Variants in AGBL4 observed in about 807,000 individuals in gnomAD.
AGBL4 encodes cytosolic carboxypeptidase 6.
Under a neutral mutation model 66.4 loss-of-function variants are expected in AGBL4, and 58 were observed. The ratio of observed to expected loss-of-function variants is 0.87; its 90% CI spans 0.71 to 1.09. AGBL4 has a LOEUF of 1.09. Among genes scored for constraint, AGBL4 ranks in the 50% least tolerant of loss-of-function variants. AGBL4 has a pLI of 0.00. For synonymous variants in AGBL4, 234 were observed against 222.9 expected (o/e 1.05, Z -0.44); for missense variants, 579 against 631.0 (o/e 0.92, Z 0.88).
intron 3 of AGBL4, among the ~76,000 whole-genome samples, chr1:49,544,197 T>G (rs1184741871): frequency 6.6e-6 from 1 of 152,174 alleles, no homozygotes; most frequent in Non-Finnish European, 1.5e-5. Context: ...ATAATTCTCT[T>G]GTTAAATCCT....
chr1:49,259,402 C>T (rs1254194334), intron 3 of AGBL4, among the ~76,000 whole-genome samples: 3 of 152,098 alleles, frequency 2.0e-5, no homozygotes, highest in Non-Finnish European at 2.9e-5. Context: ...GTGCTGTATT[C>T]GGGAAACCCA....
At chr1:49,841,959 G>A (rs144214635) in intron 2 of AGBL4, 373 of 550,564 alleles carry the variant, frequency 6.8e-4, no homozygotes, top group Non-Finnish European at 9.9e-4. Flanking sequence ...CCTCCACCTC[G>A]TACCTGGCCT....
chr1:49,672,182 C>T (rs1322543129), intron 3 of AGBL4, among the ~76,000 whole-genome samples: 4 of 152,102 alleles, frequency 2.6e-5, no homozygotes, highest in Non-Finnish European at 5.9e-5. Context: ...ATGTCTTCTG[C>T]AAGAACATGG....
intron 6 of AGBL4, among the ~76,000 whole-genome samples, chr1:48,778,254 G>C (rs1645189642): frequency 6.6e-6 from 1 of 152,104 alleles, no homozygotes; most frequent in Admixed American, 6.5e-5. Context: ...CCACCTGCCA[G>C]ATTCTGGGCC....
At chr1:48,548,610 T>C (rs1434107137) in intron 11 of AGBL4, among the ~76,000 whole-genome samples, 1 of 152,106 alleles carries the variant, frequency 6.6e-6, no homozygotes, top group African/African-American at 2.4e-5. Flanking sequence ...CCTGTCCTGC[T>C]CCTCCCCTTG....
At chr1:48,550,990 A>G (rs1365660805) in intron 11 of AGBL4, among the ~76,000 whole-genome samples, 2 of 152,130 alleles carry the variant, frequency 1.3e-5, no homozygotes, top group African/African-American at 2.4e-5. Flanking sequence ...TATCTGAACT[A>G]TTGCTTCAGC....
At chr1:49,150,978 A>G (rs1178708238) in intron 4 of AGBL4, among the ~76,000 whole-genome samples, 1 of 152,126 alleles carries the variant, frequency 6.6e-6, no homozygotes, top group Non-Finnish European at 1.5e-5. Flanking sequence ...TTAAAAATAT[A>G]TACATATAGG....
chr1:48,614,039 A>AG (rs1158282412), intron 9 of AGBL4, among the ~76,000 whole-genome samples: 4 of 152,214 alleles, frequency 2.6e-5, no homozygotes, highest in Non-Finnish European at 5.9e-5. Flanking sequence ...AAGGCACAAG[A>AG]GGAAAAACCA....
intron 1 of AGBL4, among the ~76,000 whole-genome samples, chr1:49,900,099 C>T (rs1056075080): frequency 4.6e-5 from 7 of 151,986 alleles, no homozygotes; most frequent in African/African-American, 1.4e-4. Context: ...AAATAACCAA[C>T]AACTCTATCA....
intron 4 of AGBL4, among the ~76,000 whole-genome samples, chr1:49,156,567 A>G (rs1311766266): frequency 1.3e-5 from 2 of 152,116 alleles, no homozygotes; most frequent in Non-Finnish European, 2.9e-5. Context: ...TTCCAAGCTC[A>G]TTGGCATGGC....
intron 3 of AGBL4, among the ~76,000 whole-genome samples, chr1:49,370,220 T>A (rs1055891387): frequency 6.7e-6 from 1 of 150,142 alleles, no homozygotes; most frequent in African/African-American, 2.4e-5. Flanking sequence ...TCACATAATA[T>A]ATATATGCAG....
At position 49,422,636 on chromosome 1, in the gene AGBL4, C is replaced by T. The variant is rs553811240; in HGVS notation, c.283-176772G>A. 1.8e-3 allele frequency among the ~76,000 whole-genome samples: 268 copies of T among 152,298 alleles called. 8 individuals carry two copies. The South Asian group carries it at 0.055, about 31-fold the overall frequency. On this transcript the variant is annotated intron_variant, in intron 3 of 13. Transcript: ENST00000371839. Reference sequence around the variant, plus strand: ...CTCATATATTTAAGCATACACCTTGCTATTTCATGCTTTCTTACTTTTGCT... The same window carrying T: ...CTCATATATTTAAGCATACACCTTGTTATTTCATGCTTTCTTACTTTTGCT...
At chr1:48,540,040 T>G (rs1321457229) in intron 11 of AGBL4, among the ~76,000 whole-genome samples, 1 of 152,104 alleles carries the variant, frequency 6.6e-6, no homozygotes, top group Non-Finnish European at 1.5e-5. Flanking sequence ...AAGCCTGTGC[T>G]CATAGCTTTC....
In AGBL4 at chr1:49,029,306, T is replaced by A. The variant is rs561594396; in HGVS notation, c.594+16278A>T. Among the ~76,000 whole-genome samples the A allele has an allele frequency of 3.9e-5, 6 of 152,308 alleles. No individual in the cohort carries two copies. In the South Asian group the frequency reaches 1.2e-3, roughly 32 times the overall value. ...TTGCAGATGATATGATCTTGTGTTT[T>A]AATCTTAAGGAATCTAATAAAAAAC... On this transcript the variant is annotated intron_variant, in intron 5 of 13. Coordinates refer to ENST00000371839, the MANE Select transcript of AGBL4 (RefSeq NM_032785.4).
At chr1:48,909,102 C>T (rs1652865501) in intron 5 of AGBL4, among the ~76,000 whole-genome samples, 1 of 152,104 alleles carries the variant, frequency 6.6e-6, no homozygotes, top group Non-Finnish European at 1.5e-5. Context: ...ACATTTGCTG[C>T]TTACAAATTG....
intron 4 of AGBL4, among the ~76,000 whole-genome samples, chr1:49,110,700 T>C (rs943884425): frequency 5.3e-5 from 8 of 152,166 alleles, no homozygotes; most frequent in African/African-American, 1.9e-4. Flanking sequence ...ATCATTACTA[T>C]TAGCAAACAA....
chr1:49,895,554 A>T (rs1446045115), intron 1 of AGBL4, among the ~76,000 whole-genome samples: 2 of 152,026 alleles, frequency 1.3e-5, no homozygotes, highest in African/African-American at 4.8e-5. Flanking sequence ...TAGCTTTTTT[A>T]AAAATTAAAA....
At chr1:49,246,558 T>A (rs560084669) in intron 3 of AGBL4, among the ~76,000 whole-genome samples, 1 of 151,896 alleles carries the variant, frequency 6.6e-6, no homozygotes, top group Non-Finnish European at 1.5e-5. Flanking sequence ...CTTGGGTAAA[T>A]CTCTCCCCAT....
At chr1:48,843,319 A>T (rs1001408954) in intron 6 of AGBL4, among the ~76,000 whole-genome samples, 1 of 152,196 alleles carries the variant, frequency 6.6e-6, no homozygotes, top group African/African-American at 2.4e-5. Context: ...TAATGAGGTG[A>T]TATTTTGCCT....
Sources: gnomAD v4.1 joint callset for allele counts (sites outside exome capture counted in the v4.1 genomes callset) on GRCh38, gnomAD v4.1.1 for gene constraint, MANE v1.5 for transcripts, NCBI Gene and HGNC (gene_info 2026-07-23, HGNC 2026-07-21) for gene names.